Variants in PDE4D observed in about 807,000 individuals in gnomAD.
The protein encoded by PDE4D is phosphodiesterase 4D.
PDE4D carries 24 observed loss-of-function variants against 87.4 expected under a neutral mutation model. The ratio of observed to expected loss-of-function variants is 0.27; its 90% CI spans 0.20 to 0.39. PDE4D has a LOEUF of 0.39. PDE4D is among the 10% of genes least tolerant of loss of function. The pLI, the probability that PDE4D is intolerant of heterozygous loss-of-function variation, is 1.00. For synonymous variants in PDE4D, 384 were observed against 383.2 expected (o/e 1.00, Z -0.02); for missense variants, 714 against 1,041.0 (o/e 0.69, Z 4.32).
At chr5:59,569,103 A>G (rs911316455) in intron 1 of PDE4D, among the ~76,000 whole-genome samples, 1 of 152,192 alleles carries the variant, frequency 6.6e-6, no homozygotes, top group African/African-American at 2.4e-5. Context: ...AACTCGTACA[A>G]TCAAATAGTA....
At chr5:59,720,608 T>C (rs1276332575) in intron 1 of PDE4D, among the ~76,000 whole-genome samples, 1 of 152,128 alleles carries the variant, frequency 6.6e-6, no homozygotes, top group Non-Finnish European at 1.5e-5. Context: ...TAAGAGAGCA[T>C]GAAACACAAG....
intron 5 of PDE4D, among the ~76,000 whole-genome samples, chr5:59,097,313 A>G (rs1249130804): frequency 1.3e-5 from 2 of 152,238 alleles, no homozygotes; most frequent in African/African-American, 4.8e-5. Flanking sequence ...TTTAAGCCAC[A>G]GCAACGTTTG....
intron 1 of PDE4D, among the ~76,000 whole-genome samples, chr5:60,318,742 G>A (rs553455356): frequency 0.014 from 2,153 of 152,038 alleles, 58 homozygotes; most frequent in African/African-American, 0.049. Context: ...CTTCACTTAT[G>A]AAGCTTAGTT....
At chr5:59,403,154 C>T (rs1434879250) in intron 1 of PDE4D, among the ~76,000 whole-genome samples, 30 of 116,884 alleles carry the variant, frequency 2.6e-4, no homozygotes, top group East Asian at 1.3e-3. Flanking sequence ...GACAGACAGA[C>T]AGACAGACAG....
At chr5:59,540,347 T>C (rs1176804788) in intron 1 of PDE4D, among the ~76,000 whole-genome samples, 1 of 151,680 alleles carries the variant, frequency 6.6e-6, no homozygotes, top group Non-Finnish European at 1.5e-5. Context: ...GTGTACATCA[T>C]TTAAAAAAAC....
chr5:59,889,191 GCA>G (rs1198076730), intron 1 of PDE4D, among the ~76,000 whole-genome samples: 1 of 138,758 alleles, frequency 7.2e-6, no homozygotes, highest in African/African-American at 2.8e-5. Flanking sequence ...TTGTGCCACT[GCA>G]CACTCCAGCC....
At chr5:60,065,505 T>C (rs1021930183) in intron 2 of PDE4D, among the ~76,000 whole-genome samples, 1 of 152,064 alleles carries the variant, frequency 6.6e-6, no homozygotes, top group African/African-American at 2.4e-5. Flanking sequence ...GTTACATATG[T>C]ATACATGTGC....
intron 2 of PDE4D, among the ~76,000 whole-genome samples, chr5:59,195,992 A>G (rs965550343): frequency 6.6e-6 from 1 of 152,138 alleles, no homozygotes; most frequent in African/African-American, 2.4e-5. Context: ...CAGTGTAGAG[A>G]AAAGAAGAGA....
At chr5:60,210,323 C>A (rs1260443944) in intron 1 of PDE4D, among the ~76,000 whole-genome samples, 27 of 151,352 alleles carry the variant, frequency 1.8e-4, no homozygotes, top group Admixed American at 1.8e-3. Flanking sequence ...TTTTGATTTA[C>A]CTCAAAAAAG....
chr5:59,288,903 A>T (rs1448079712), intron 1 of PDE4D, among the ~76,000 whole-genome samples: 2 of 152,138 alleles, frequency 1.3e-5, no homozygotes, highest in Admixed American at 6.6e-5. Flanking sequence ...AAGCTGAGGG[A>T]TGTCATCAAC....
intron 1 of PDE4D, among the ~76,000 whole-genome samples, chr5:59,716,685 A>G (rs1755079814): frequency 6.6e-6 from 1 of 152,176 alleles, no homozygotes; most frequent in Admixed American, 6.5e-5. Flanking sequence ...TCATTTCACA[A>G]ATATCCATTG....
At chr5:59,471,501 A>G (rs986413746) in intron 1 of PDE4D, among the ~76,000 whole-genome samples, 54 of 152,380 alleles carry the variant, frequency 3.5e-4, no homozygotes, top group African/African-American at 1.2e-3. Context: ...TAGAGCATAA[A>G]ATGGGGTAAA....
In PDE4D at chr5:59,806,720, A is replaced by G. The variant is rs942720594; in HGVS notation, c.455+86448T>C. On this transcript the variant is annotated intron_variant, in intron 1 of 14. Transcript: ENST00000340635. ...GGAAATAGTTACAGGACTACAGTTA[A>G]TAACTATATTTTTTCAAATATTTTT... is the stretch of plus-strand genomic sequence containing the variant. Among the ~76,000 whole-genome samples, 4 of 152,224 alleles carry G rather than the reference A, an allele frequency of 2.6e-5. No individual in the cohort carries two copies. In the South Asian group the frequency reaches 6.2e-4, roughly 24 times the overall value.
chr5:60,185,936 GAA>G (rs11451682), intron 1 of PDE4D, among the ~76,000 whole-genome samples: 12 of 139,300 alleles, frequency 8.6e-5, no homozygotes, highest in African/African-American at 2.9e-4. Flanking sequence ...TTTAGTGGCT[GAA>G]AAAAAAAAAA....
At chr5:58,978,472 C>CTAACGAATGCATAGAAAATATA (rs568982882) in intron 11 of PDE4D, among the ~76,000 whole-genome samples, 5 of 152,058 alleles carry the variant, frequency 3.3e-5, no homozygotes, top group African/African-American at 1.2e-4. Flanking sequence ...GATCTTTTTT[C>CTAACGAATGCATAGAAAATATA]TAACGAATGC....
chr5:59,378,980 T>G (rs181503251), intron 1 of PDE4D, among the ~76,000 whole-genome samples: 2 of 149,410 alleles, frequency 1.3e-5, no homozygotes, highest in East Asian at 2.0e-4. Flanking sequence ...GTGTGTGTGT[T>G]TGTGTGTGTG....
At chr5:59,655,436 T>C (rs1475180212) in intron 1 of PDE4D, among the ~76,000 whole-genome samples, 1 of 152,184 alleles carries the variant, frequency 6.6e-6, no homozygotes, top group East Asian at 1.9e-4. Context: ...TTCTGGAACT[T>C]CAATATAAAA....
chr5:59,400,139 T>G (rs1447414676), intron 1 of PDE4D, among the ~76,000 whole-genome samples: 1 of 105,704 alleles, frequency 9.5e-6, no homozygotes, highest in Non-Finnish European at 1.9e-5. Flanking sequence ...TTGGTGGGAC[T>G]GTAAACTAGT....
chr5:59,157,385 A>G (rs1419396916), intron 5 of PDE4D: 1 of 702,196 alleles, frequency 1.4e-6, no homozygotes, highest in Non-Finnish European at 2.6e-6. Flanking sequence ...ACATTTGCAA[A>G]CAAGTGATCC....
Sources: allele counts gnomAD v4.1 joint callset (sites outside exome capture counted in the v4.1 genomes callset), GRCh38; gene constraint gnomAD v4.1.1; transcripts MANE v1.5; gene names NCBI Gene and HGNC (gene_info 2026-07-23, HGNC 2026-07-21).